Variants in PTK2 observed in about 807,000 individuals in gnomAD.
PTK2 encodes protein tyrosine kinase 2.
Under a neutral mutation model 150.1 loss-of-function variants are expected in PTK2, and 45 were observed. That is an observed-to-expected ratio of 0.30 (90% confidence interval 0.24 to 0.38). The LOEUF (loss-of-function observed/expected upper bound fraction) is 0.38. PTK2 is among the 10% of genes least tolerant of loss of function. The pLI is 1.00. For missense variants in PTK2, 919 were observed against 1,307.3 expected, an observed-to-expected ratio of 0.70 and a Z score of 4.58; for synonymous variants, 432 against 449.2, an observed-to-expected ratio of 0.96 and a Z score of 0.48.
intron 14 of PTK2, among the ~76,000 whole-genome samples, chr8:140,784,558 C>G (rs1174605661): frequency 6.6e-6 from 1 of 152,090 alleles, no homozygotes; most frequent in African/African-American, 2.4e-5. Context: ...TAATTTTAAC[C>G]CACACAACCA....
At chr8:140,817,448 G>A (rs1206897591) in intron 10 of PTK2, among the ~76,000 whole-genome samples, 1 of 152,162 alleles carries the variant, frequency 6.6e-6, no homozygotes, top group Non-Finnish European at 1.5e-5. Flanking sequence ...ACTACACTAT[G>A]TTAAGTGGAA....
chr8:140,735,849 A>C (rs2100052297), intron 21 of PTK2, among the ~76,000 whole-genome samples: 1 of 152,204 alleles, frequency 6.6e-6, no homozygotes, highest in Non-Finnish European at 1.5e-5. Context: ...GGTCCAATAA[A>C]GAAAATCCTA....
At chr8:140,749,517 C>T (rs1237147385) in intron 17 of PTK2, among the ~76,000 whole-genome samples, 4 of 152,076 alleles carry the variant, frequency 2.6e-5, no homozygotes, top group Non-Finnish European at 5.9e-5. Flanking sequence ...TGTTATTTAC[C>T]CATCTGGGGC....
intron 29 of PTK2, chr8:140,669,958 G>A (rs2094640482): frequency 5.1e-6 from 3 of 589,772 alleles, no homozygotes; most frequent in Non-Finnish European, 9.0e-6. Context: ...GCATAGAGAG[G>A]TCTGCCATGC....
intron 26 of PTK2, among the ~76,000 whole-genome samples, chr8:140,690,046 G>A (rs2100022168): frequency 6.6e-6 from 1 of 152,148 alleles, no homozygotes; most frequent in Non-Finnish European, 1.5e-5. Flanking sequence ...TCTGCCTCCC[G>A]GGTTCATGCC....
chr8:140,746,646 T>C, intron 18 of PTK2, 114 bp downstream of exon 21: 1 of 708,486 alleles, frequency 1.4e-6, no homozygotes, highest in Non-Finnish European at 2.3e-6. Flanking sequence ...ATGACATACA[T>C]CCTAAATCAG....
intron 2 of PTK2, among the ~76,000 whole-genome samples, chr8:140,921,812 C>T (rs879336760): frequency 6.6e-6 from 1 of 152,180 alleles, no homozygotes. Context: ...ACAATCTGTA[C>T]TAGCAACTTT....
chr8:140,992,904 T>C (rs1265388366), intron 1 of PTK2, among the ~76,000 whole-genome samples: 1 of 152,230 alleles, frequency 6.6e-6, no homozygotes, highest in Non-Finnish European at 1.5e-5. Context: ...AGACGTTTGT[T>C]CTTTTAAATG....
intron 16 of PTK2, among the ~76,000 whole-genome samples, chr8:140,753,355 G>A (rs954698507): frequency 2.6e-5 from 4 of 152,178 alleles, no homozygotes; most frequent in Admixed American, 6.5e-5. Flanking sequence ...TCAGAAGCTC[G>A]GCCTGGGATG....
At chr8:140,820,610 GGA>G in intron 8 of PTK2, 1 of 148,956 alleles carries the variant, frequency 6.7e-6, no homozygotes. Context: ...CAGAGTAACT[GGA>G]CTCCAATGGA....
intron 22 of PTK2, among the ~76,000 whole-genome samples, chr8:140,726,716 C>A (rs2100046065): frequency 2.0e-5 from 3 of 152,134 alleles, no homozygotes; most frequent in African/African-American, 7.2e-5. Flanking sequence ...TCACCACCAA[C>A]TGATCTGCAC....
At chr8:140,737,343 T>A (rs1040780586) in intron 21 of PTK2, among the ~76,000 whole-genome samples, 4 of 152,108 alleles carry the variant, frequency 2.6e-5, no homozygotes, top group African/African-American at 9.7e-5. Flanking sequence ...ATTGAAGTGA[T>A]CCTCCCTCCT....
intron 2 of PTK2, among the ~76,000 whole-genome samples, chr8:140,893,496 T>C (rs897728580): frequency 6.6e-6 from 1 of 152,172 alleles, no homozygotes; most frequent in Non-Finnish European, 1.5e-5. Context: ...TGCCGCAACA[T>C]GGAGGAACCT....
intron 1 of PTK2, among the ~76,000 whole-genome samples, chr8:140,938,016 TG>T (rs2100174297): frequency 6.6e-6 from 1 of 152,266 alleles, no homozygotes; most frequent in South Asian, 2.1e-4. Flanking sequence ...CAAACTTAGT[TG>T]ATCTCTACAT....
intron 14 of PTK2, among the ~76,000 whole-genome samples, chr8:140,779,244 GGAAAAAAAAAAAAAA>G (rs1463992024): frequency 3.4e-4 from 44 of 128,724 alleles, no homozygotes; most frequent in Non-Finnish European, 5.7e-4. Context: ...CCTGGGCGAT[GGAAAAAAAAAAAAAA>G]GAAAAAAAAA....
chr8:140,838,987 A>G (rs2100120572), intron 7 of PTK2, among the ~76,000 whole-genome samples: 1 of 151,514 alleles, frequency 6.6e-6, no homozygotes, highest in South Asian at 2.1e-4. Context: ...GCCTGGGCAC[A>G]GAGTGAGACT....
In PTK2 at chr8:140,757,484, T is replaced by G. The variant is rs78138826; in HGVS notation, c.1332+3681A>C. Among the ~76,000 whole-genome samples the G allele has an allele frequency of 7.7e-3, 1,167 of 152,232 alleles. 11 individuals carry two copies. Among genetic ancestry groups the G allele is most frequent in the African/African-American group, 0.026 (1,085 of 41,530 alleles). On this transcript the variant is annotated intron_variant, in intron 16 of 31. Coordinates refer to ENST00000522684, the Ensembl canonical transcript of PTK2. ...GTAAAGGCTTCCAAAAGTGAACTAA[T>G]TTGGTTAGTTTACTGGTGGCAATTA...
At position 140,746,744 on chromosome 8, in the gene PTK2, T is replaced by C. The variant is rs73714745; in HGVS notation, c.1518+16A>G. The C allele has an allele frequency of 3.8e-3, 5,917 of 1,566,738 alleles. 193 individuals carry two copies. In the African/African-American group the frequency reaches 0.07, roughly 18 times the overall value. ...AAACGCTGAGTCCAGAAGGTAAGAT[T>C]TGGGGATCACAGTACCTCTCCAAGT... On this transcript the variant is annotated intron_variant, in intron 18 of 31. Transcript: ENST00000522684.
At chr8:140,947,176 T>C (rs959254605) in intron 1 of PTK2, among the ~76,000 whole-genome samples, 2 of 152,156 alleles carry the variant, frequency 1.3e-5, no homozygotes, top group Non-Finnish European at 2.9e-5. Context: ...TCACTATCCC[T>C]ATTTCAAACC....
Sources: allele counts gnomAD v4.1 joint callset (sites outside exome capture counted in the v4.1 genomes callset), GRCh38; gene constraint gnomAD v4.1.1; transcripts MANE v1.5; gene names NCBI Gene and HGNC (gene_info 2026-07-23, HGNC 2026-07-21).